The following PRKG1 variants were observed in gnomAD, a reference collection of about 807,000 sequenced individuals.
The protein encoded by PRKG1 is protein kinase cGMP-dependent 1.
Under a neutral mutation model 88.1 loss-of-function variants are expected in PRKG1, and 35 were observed. The ratio of observed to expected loss-of-function variants is 0.40; its 90% confidence interval spans 0.30 to 0.53. The LOEUF (loss-of-function observed/expected upper bound fraction) is 0.53, where lower values mean the gene tolerates loss of function less well. Among genes scored for constraint, PRKG1 ranks in the 20% least tolerant of loss-of-function variants. The pLI is 0.59. For synonymous variants in PRKG1, 303 were observed against 292.5 expected (o/e 1.04, Z -0.37); for missense variants, 540 against 839.8 (o/e 0.64, Z 4.41).
intron 5 of PRKG1, among the ~76,000 whole-genome samples, chr10:52,037,694 G>C (rs1013865083): frequency 1.3e-5 from 2 of 152,182 alleles, no homozygotes; most frequent in African/African-American, 4.8e-5. Context: ...GAGGGGGAGG[G>C]CTAGTCATGG....
chr10:52,005,230 G>A, intron 5 of PRKG1, among the ~76,000 whole-genome samples: 1 of 147,706 alleles, frequency 6.8e-6, no homozygotes, highest in East Asian at 2.0e-4. Context: ...GCTTATGGAT[G>A]AATGAAAGGG....
At chr10:51,172,648 GTATCTATCTATC>G (rs151084687) in intron 2 of PRKG1, among the ~76,000 whole-genome samples, 2,301 of 40,822 alleles carry the variant, frequency 0.056, 23 homozygotes, top group Non-Finnish European at 0.069. Flanking sequence ...ATGTATGTAT[GTATCTATCTATC>G]TATCTATCTA....
chr10:52,125,238 C>T (rs765252971), intron 7 of PRKG1, among the ~76,000 whole-genome samples: 13 of 152,242 alleles, frequency 8.5e-5, no homozygotes, highest in African/African-American at 2.2e-4. Context: ...AGTCTTTCAG[C>T]TCCATTAGAA....
At chr10:52,167,278 C>G (rs1166408959) in intron 9 of PRKG1, among the ~76,000 whole-genome samples, 1 of 152,018 alleles carries the variant, frequency 6.6e-6, no homozygotes, top group Non-Finnish European at 1.5e-5. Flanking sequence ...ACCACCAGCT[C>G]TCACTCTGTG....
intron 5 of PRKG1, among the ~76,000 whole-genome samples, chr10:52,036,030 GCA>G (rs1179616624): frequency 2.6e-5 from 4 of 152,150 alleles, no homozygotes; most frequent in Non-Finnish European, 5.9e-5. Context: ...GACATGATTG[GCA>G]GGGAGAGCAC....
At chr10:51,265,782 G>C (rs1839822153) in intron 2 of PRKG1, among the ~76,000 whole-genome samples, 1 of 152,186 alleles carries the variant, frequency 6.6e-6, no homozygotes, top group Non-Finnish European at 1.5e-5. Context: ...GGACAATTGA[G>C]TTGGTATTAA....
chr10:52,224,838 T>TATATATATATATATATATATATAC lies in PRKG1; in HGVS notation c.1077-26731_1077-26730insTATATATATATATATATATATACA, dbSNP rs1172536011. On this transcript the variant is annotated intron_variant, in intron 9 of 17. Transcript: ENST00000373980. ...ATATATATATATATATATATATATA[T>TATATATATATATATATATATATAC]ACATACATACATACATATCTCACAG... Among the ~76,000 whole-genome samples the TATATATATATATATATATATATAC allele has an allele frequency of 2.5e-4, 34 of 135,846 alleles. 1 individual carries two copies. The highest frequency in any genetic ancestry group is 8.7e-4 in the African/African-American group (30 of 34,546). 89.1% of individuals were successfully genotyped at this position (135,846 alleles called of 152,430 possible).
chr10:51,115,617 A>T (rs1360750770), intron 1 of PRKG1, among the ~76,000 whole-genome samples: 17 of 151,384 alleles, frequency 1.1e-4, no homozygotes, highest in Admixed American at 1.1e-3. Flanking sequence ...AGGCGGGAGG[A>T]TCACGAGGTC....
chr10:51,031,938 G>A (rs1843288585), intron 1 of PRKG1, among the ~76,000 whole-genome samples: 1 of 152,154 alleles, frequency 6.6e-6, no homozygotes, highest in African/African-American at 2.4e-5. Flanking sequence ...CTAAAGAAAT[G>A]TTAAGCCTAT....
intron 4 of PRKG1, among the ~76,000 whole-genome samples, chr10:51,898,502 C>G (rs1841904486): frequency 6.6e-6 from 1 of 151,738 alleles, no homozygotes; most frequent in African/African-American, 2.4e-5. Flanking sequence ...GATGAAGAAA[C>G]AAATTAATTA....
chr10:51,139,829 T>A (rs1845781120), intron 1 of PRKG1, among the ~76,000 whole-genome samples: 1 of 152,234 alleles, frequency 6.6e-6, no homozygotes, highest in African/African-American at 2.4e-5. Context: ...GTTTATTCAC[T>A]GAAATTCTAG....
chr10:52,257,977 A>G (rs1253164906), intron 10 of PRKG1, among the ~76,000 whole-genome samples: 1 of 139,624 alleles, frequency 7.2e-6, no homozygotes. Flanking sequence ...AAGTAAGATA[A>G]GCATTACTTC....
chr10:52,012,475 C>G lies in PRKG1; in HGVS notation c.763-42009C>G, dbSNP rs950063557. On this transcript the variant is annotated intron_variant, in intron 5 of 17. Transcript: ENST00000373980. ...GCCAGAATGGTCTCGATCTCCTGAC[C>G]TCGTGATCTACCCGCCTCAGCCTCC... Among the ~76,000 whole-genome samples the G allele has an allele frequency of 3.9e-5, 6 of 152,086 alleles. 1 individual carries two copies. The highest frequency in any genetic ancestry group is 3.9e-4 in the Admixed American group (6 of 15,272).
chr10:51,274,596 C>T (rs560380182), intron 2 of PRKG1, among the ~76,000 whole-genome samples: 6 of 152,254 alleles, frequency 3.9e-5, no homozygotes, highest in Non-Finnish European at 4.4e-5. Context: ...CCAAAATGAC[C>T]GTGCTCAACA....
intron 3 of PRKG1, among the ~76,000 whole-genome samples, chr10:51,632,177 C>T (rs982529010): frequency 1.3e-5 from 2 of 151,904 alleles, no homozygotes; most frequent in Non-Finnish European, 2.9e-5. Context: ...GACAGTTCTT[C>T]TTCTTCTAAT....
intron 3 of PRKG1, among the ~76,000 whole-genome samples, chr10:51,544,611 G>T (rs964798096): frequency 2.7e-4 from 41 of 151,922 alleles, no homozygotes; most frequent in Non-Finnish European, 1.0e-4. Flanking sequence ...TCTAGTTCTA[G>T]ATCCTTCAGG....
intron 4 of PRKG1, among the ~76,000 whole-genome samples, chr10:51,821,873 T>A (rs1839755539): frequency 6.6e-6 from 1 of 152,050 alleles, no homozygotes; most frequent in African/African-American, 2.4e-5. Context: ...ATTGTTACAG[T>A]CATTATGGAA....
At chr10:52,016,769 A>G (rs1015879698) in intron 5 of PRKG1, among the ~76,000 whole-genome samples, 1 of 152,230 alleles carries the variant, frequency 6.6e-6, no homozygotes, top group Non-Finnish European at 1.5e-5. Context: ...TCTGGTGGAA[A>G]GAGATAGAAA....
intron 3 of PRKG1, among the ~76,000 whole-genome samples, chr10:51,628,856 G>C (rs1839444376): frequency 6.6e-6 from 1 of 151,778 alleles, no homozygotes; most frequent in Admixed American, 6.6e-5. Context: ...CTACTCGGGA[G>C]GCTGAGGCAG....
Sources: allele counts gnomAD v4.1 joint callset (sites outside exome capture counted in the v4.1 genomes callset), GRCh38; gene constraint gnomAD v4.1.1; transcripts MANE v1.5; gene names NCBI Gene and HGNC (gene_info 2026-07-23, HGNC 2026-07-21).